LHFPL3: variants seen among roughly 807,000 people sequenced by gnomAD.
LHFPL3 encodes the protein LHFPL tetraspan subfamily member 3, also known as LHFPL tetraspan subfamily member 3 protein.
Under a neutral mutation model 19.3 loss-of-function variants are expected in LHFPL3, and 5 were observed. That is an observed-to-expected ratio of 0.26 (90% CI 0.14 to 0.54). The LOEUF is 0.54. Among genes scored for constraint, LHFPL3 ranks in the 20% least tolerant of loss-of-function variants. The pLI, the probability that LHFPL3 is intolerant of heterozygous loss-of-function variation, is 0.94. For synonymous variants in LHFPL3, 133 were observed against 126.2 expected, an observed-to-expected ratio of 1.05 and a Z score of -0.36; for missense variants, 249 against 307.4, an observed-to-expected ratio of 0.81 and a Z score of 1.42.
chr7:104,688,897 AG>A (rs1349013431), intron 1 of LHFPL3, among the ~76,000 whole-genome samples: 2 of 152,212 alleles, frequency 1.3e-5, no homozygotes, highest in East Asian at 3.8e-4. Context: ...TAATGGTGGA[AG>A]GAGCATAAAA....
chr7:104,590,499 C>A (rs1473308114), intron 1 of LHFPL3, among the ~76,000 whole-genome samples: 1 of 152,098 alleles, frequency 6.6e-6, no homozygotes. Flanking sequence ...AATTTCTGTT[C>A]TTTTACATTT....
At chr7:104,541,947 G>A (rs1403172613) in intron 1 of LHFPL3, among the ~76,000 whole-genome samples, 2 of 152,198 alleles carry the variant, frequency 1.3e-5, no homozygotes, top group South Asian at 2.1e-4. Flanking sequence ...GGATGATAAA[G>A]CAGATGTGGA....
Position 104,460,982 on chromosome 7 carries a change from T to A in LHFPL3, c.445+131758T>A, listed in dbSNP as rs139260054. ...TATAGTTTTGGGTTTTACATTTGAG[T>A]CTTTAATCCATTGTATTAGTCTATT... On this transcript the variant is annotated intron_variant, in intron 1 of 2. Transcript: ENST00000424859. Among the ~76,000 whole-genome samples, 12 of 152,286 alleles carry A rather than the reference T, an allele frequency of 7.9e-5. No homozygotes were observed. In the East Asian group the frequency reaches 2.3e-3, roughly 29 times the overall value.
intron 1 of LHFPL3, among the ~76,000 whole-genome samples, chr7:104,710,221 A>G (rs191953539): frequency 1.3e-5 from 2 of 152,232 alleles, no homozygotes; most frequent in South Asian, 4.1e-4. Flanking sequence ...AAGTTGGTCA[A>G]CTTCTTAAAG....
intron 1 of LHFPL3, among the ~76,000 whole-genome samples, chr7:104,379,878 T>A (rs1172376870): frequency 6.6e-6 from 1 of 152,206 alleles, no homozygotes; most frequent in East Asian, 1.9e-4. Flanking sequence ...CTTGTGCTTA[T>A]CATGGTTAGA....
At chr7:104,802,162 A>G (rs1256978716) in intron 2 of LHFPL3, among the ~76,000 whole-genome samples, 1 of 152,114 alleles carries the variant, frequency 6.6e-6, no homozygotes, top group African/African-American at 2.4e-5. Flanking sequence ...TGATTAAACC[A>G]TGAGTGCTCT....
chr7:104,881,716 A>G (rs1792060955), intron 2 of LHFPL3, among the ~76,000 whole-genome samples: 1 of 152,264 alleles, frequency 6.6e-6, no homozygotes, highest in East Asian at 1.9e-4. Flanking sequence ...ACGCACTTCC[A>G]TTTTGAAAGA....
intron 2 of LHFPL3, among the ~76,000 whole-genome samples, chr7:104,759,091 T>C (rs1267265503): frequency 6.6e-6 from 1 of 152,208 alleles, no homozygotes; most frequent in Non-Finnish European, 1.5e-5. Context: ...AACTGCCTTT[T>C]ATTGTCTGTT....
intron 1 of LHFPL3, among the ~76,000 whole-genome samples, chr7:104,429,682 A>G (rs530530408): frequency 6.6e-6 from 1 of 152,074 alleles, no homozygotes; most frequent in East Asian, 1.9e-4. Flanking sequence ...AGGCTATAGC[A>G]GTGCAACTCA....
chr7:104,898,002 ACC>A (rs1792400360), intron 2 of LHFPL3, among the ~76,000 whole-genome samples: 1 of 68,298 alleles, frequency 1.5e-5, no homozygotes, highest in Non-Finnish European at 3.1e-5. Flanking sequence ...AAGAAATGTC[ACC>A]CCTTTTTTTT....
rs573209070 is a variant in LHFPL3, at chr7:104,779,914, G to T, written c.682+43003G>T. On this transcript the variant is annotated intron_variant, in intron 2 of 2. Coordinates refer to ENST00000424859, the MANE Select transcript of LHFPL3 (RefSeq NM_199000.3). ...CTTCTAAACAATATAAATTAGTGGG[G>T]TTTTTTTTTTAGCTAAACTTTAATC... 2.1e-3 allele frequency among the ~76,000 whole-genome samples: 312 copies of T among 148,638 alleles called. 2 individuals are homozygous for T. Among genetic ancestry groups the T allele is most frequent in the African/African-American group, 7.2e-3 (292 of 40,696 alleles).
intron 1 of LHFPL3, among the ~76,000 whole-genome samples, chr7:104,654,738 C>A (rs1304914689): frequency 1.3e-5 from 2 of 152,108 alleles, no homozygotes; most frequent in Non-Finnish European, 2.9e-5. Flanking sequence ...TATTTACCTA[C>A]CTGAAAATGA....
At chr7:104,627,383 G>A (rs1478283849) in intron 1 of LHFPL3, among the ~76,000 whole-genome samples, 3 of 152,118 alleles carry the variant, frequency 2.0e-5, no homozygotes, top group Non-Finnish European at 2.9e-5. Context: ...ATTAATGGAT[G>A]CTTAGGTTGA....
In LHFPL3 at chr7:104,850,608, A is replaced by G. The variant is rs114228661; in HGVS notation, c.683-55579A>G. Among the ~76,000 whole-genome samples the G allele has an allele frequency of 9.1e-3, 1,392 of 152,326 alleles. 19 individuals are homozygous for G. Among genetic ancestry groups the G allele is most frequent in the African/African-American group, 0.032 (1,323 of 41,560 alleles). On this transcript the variant is annotated intron_variant, in intron 2 of 2. Coordinates refer to ENST00000424859, the MANE Select transcript of LHFPL3 (RefSeq NM_199000.3). ...TTACACCTGACTGACATGAAACTAA[A>G]TTGTTTTAATTGTTCCAAACTAGTG...
intron 1 of LHFPL3, among the ~76,000 whole-genome samples, chr7:104,645,634 T>A (rs1791917590): frequency 6.6e-6 from 1 of 150,842 alleles, no homozygotes; most frequent in African/African-American, 2.4e-5. Context: ...TCTCCTGACA[T>A]ATTTGCTCTA....
At chr7:104,586,176 A>G (rs1790572298) in intron 1 of LHFPL3, among the ~76,000 whole-genome samples, 1 of 152,180 alleles carries the variant, frequency 6.6e-6, no homozygotes, top group South Asian at 2.1e-4. Context: ...AGGAAATAAA[A>G]GAAAGTATGT....
At chr7:104,434,140 A>G (rs1412528108) in intron 1 of LHFPL3, among the ~76,000 whole-genome samples, 19 of 152,236 alleles carry the variant, frequency 1.2e-4, no homozygotes, top group Admixed American at 1.2e-3. Flanking sequence ...TAGTGGATAT[A>G]TGCTGTGGAC....
intron 2 of LHFPL3, among the ~76,000 whole-genome samples, chr7:104,748,633 GT>G (rs1794095946): frequency 6.6e-6 from 1 of 151,254 alleles, no homozygotes; most frequent in African/African-American, 2.4e-5. Flanking sequence ...TTGTTCACGT[GT>G]TTGTCTGCTG....
At chr7:104,630,540 C>G (rs1185648004) in intron 1 of LHFPL3, among the ~76,000 whole-genome samples, 1 of 152,110 alleles carries the variant, frequency 6.6e-6, no homozygotes, top group Non-Finnish European at 1.5e-5. Context: ...GCCTGAAATA[C>G]CAGGCACAGG....
Sources: allele counts gnomAD v4.1 joint callset (sites outside exome capture counted in the v4.1 genomes callset), GRCh38; gene constraint gnomAD v4.1.1; transcripts MANE v1.5; gene names NCBI Gene and HGNC (gene_info 2026-07-23, HGNC 2026-07-21).